Variants in NQO2 observed in about 807,000 individuals in gnomAD.
NQO2 encodes the protein N-ribosyldihydronicotinamide:quinone dehydrogenase 2.
NQO2 carries 18 observed loss-of-function variants against 22.0 expected under a neutral mutation model. That is an observed-to-expected ratio of 0.82 (90% CI 0.56 to 1.21). The LOEUF (loss-of-function observed/expected upper bound fraction) is 1.21, where lower values mean the gene tolerates loss of function less well. NQO2 is among the 50% of genes most tolerant of loss of function. The probability of loss-of-function intolerance (pLI) is 0.00; values close to 1 mark genes in which losing one functional copy is unlikely to be tolerated. For missense variants in NQO2, 267 were observed against 286.9 expected, an observed-to-expected ratio of 0.93 and a Z score of 0.50; for synonymous variants, 106 against 110.8, an observed-to-expected ratio of 0.96 and a Z score of 0.28.
Position 3,015,011 on chromosome 6 carries a change from G to A in NQO2, c.304-519G>A, listed in dbSNP as rs1008738902. 3.4e-5 allele frequency: 34 copies of A among 985,576 alleles called. No homozygotes were observed. In the African/African-American group the frequency reaches 3.5e-4, roughly 10 times the overall value. The allele number at this position is 985,576 out of a possible 1,614,324, so 61.1% of individuals were successfully genotyped here. A position where few individuals can be genotyped will look rare whatever the true frequency, so the allele number is the denominator to read the frequency against. On this transcript the variant is annotated intron_variant, in intron 4 of 6. Coordinates refer to ENST00000380455, the MANE Select transcript of NQO2 (RefSeq NM_000904.6). ...CCTATGTTTATTTCCCTTCCCAGGC[G>A]GTAACACTGGATGTAATGTTAGGGC...
rs748987159 is a variant in NQO2 at position 3,016,991 on chromosome 6, C to A, written c.519+6C>A. ...ACTTCCTGTGGCCACTCCAGGTAGA[C>A]CAGCTGCGAGTGGCTCCCTTGCTTG... On this transcript the variant is annotated splice_donor_region_variant and intron_variant, in intron 6 of 6. Transcript: ENST00000380455. 4 of 1,613,316 alleles carry A rather than the reference C, an allele frequency of 2.5e-6. No individual in the cohort carries two copies. In the African/African-American group the frequency reaches 4.0e-5, roughly 16 times the overall value.
intron 1 of NQO2, chr6:3,004,521 C>T (rs1243282427): frequency 3.0e-5 from 30 of 985,560 alleles, no homozygotes; most frequent in Non-Finnish European, 3.6e-5. Context: ...GGAGCCCACT[C>T]CTCAGCACCC....
intron 4 of NQO2, among the ~76,000 whole-genome samples, chr6:3,014,442 C>G (rs1352409453): frequency 6.6e-6 from 1 of 152,174 alleles, no homozygotes; most frequent in East Asian, 1.9e-4. Flanking sequence ...CCCAGCAGAG[C>G]CACGCTGAGC....
At chr6:3,004,242 T>C in intron 1 of NQO2, 1 of 725,934 alleles carries the variant, frequency 1.4e-6, no homozygotes, top group Non-Finnish European at 1.7e-6. Context: ...ACACGTGGAT[T>C]CCTGGAATCA....
intron 4 of NQO2, among the ~76,000 whole-genome samples, chr6:3,014,290 A>G (rs780902181): frequency 2.1e-4 from 32 of 152,150 alleles, no homozygotes; most frequent in South Asian, 4.1e-4. Flanking sequence ...TGAGCTGCTA[A>G]TCTGACCAAA....
intron 5 of NQO2, among the ~76,000 whole-genome samples, chr6:3,016,019 C>G (rs1420984002): frequency 1.3e-5 from 2 of 152,192 alleles, no homozygotes; most frequent in East Asian, 3.9e-4. Context: ...AGTTCACCCC[C>G]TTGAGCATCA....
chr6:3,017,669 C>T (rs59071166), intron 6 of NQO2, among the ~76,000 whole-genome samples: 8,518 of 152,170 alleles, frequency 0.056, 384 homozygotes, highest in African/African-American at 0.12. Flanking sequence ...GGGTGTCCCA[C>T]GAAGGAACCC....
intron 2 of NQO2, 47 bp from the exon 3 acceptor site, chr6:3,009,978 A>G: frequency 6.4e-7 from 1 of 1,565,356 alleles, no homozygotes; most frequent in East Asian, 2.3e-5. Flanking sequence ...TGAATTTAAC[A>G]GAGAGAGGTT....
Position 3,012,603 on chromosome 6 carries a change from C to T in NQO2, c.232C>T (p.Gln78Ter), listed in dbSNP as rs1257170476. 6.2e-7 allele frequency: 1 copy of T among 1,614,162 alleles called. No homozygotes were observed. The highest frequency in any genetic ancestry group is 1.1e-5 in the South Asian group (1 of 91,082). ...AGTGGAAACCCACGAAGCCTACAAG[C>T]AAAGGTCTCTGGCTAGCGACATCAC... Reference protein sequence around the residue: ...YGVETHEAYKQRSLASDITDE... With the variant: ...YGVETHEAYK The change falls in exon 4 of 7, where the codon CAA (glutamine) becomes TAA (stop). Residue 78 changes from glutamine (Q) to a stop codon, truncating the protein, a stop_gained. Transcript: ENST00000380455. LOFTEE classifies it high-confidence loss of function.
chr6:3,010,797 G>A (rs980706918), intron 3 of NQO2, among the ~76,000 whole-genome samples: 1 of 152,108 alleles, frequency 6.6e-6, no homozygotes, highest in Non-Finnish European at 1.5e-5. Flanking sequence ...CTGGGCATGA[G>A]CTGCTAGCCA....
In NQO2 at chr6:3,006,444, C is replaced by A; in HGVS notation, c.-85-24C>A. 1.3e-6 allele frequency: 2 copies of A among 1,587,690 alleles called. No homozygotes were observed. Among genetic ancestry groups the A allele is most frequent in the Non-Finnish European group, 8.6e-7 (1 of 1,168,222 alleles). On this transcript the variant is annotated intron_variant, in intron 1 of 6. Transcript: ENST00000380455. The surrounding 1 kb of genome is among the most constrained non-coding windows in gnomAD (Gnocchi z 4.0). The stretch of plus-strand genomic sequence containing the variant: ...CCTCACCTATGCCTCTCCCCACCCC[C>A]TCTGGGTTCGTTTTGTCTTCCAGAT...
intron 2 of NQO2, among the ~76,000 whole-genome samples, chr6:3,009,710 A>C (rs2518581): frequency 6.6e-6 from 1 of 152,184 alleles, no homozygotes; most frequent in African/African-American, 2.4e-5. Flanking sequence ...CAGTTGCTCC[A>C]TTCGGGGTCC....
chr6:3,015,283 C>A, intron 4 of NQO2: 1 of 1,447,240 alleles, frequency 6.9e-7, no homozygotes, highest in Non-Finnish European at 9.1e-7. Context: ...CCAGGGCCAG[C>A]ATCAGGGGCT....
chr6:3,016,732 C>A (rs910694384), intron 5 of NQO2, 152 bp from the exon 6 acceptor site: 2 of 1,458,332 alleles, frequency 1.4e-6, no homozygotes, highest in Non-Finnish European at 9.1e-7. Context: ...GTCATTGTCA[C>A]CTATGGATGG....
intron 2 of NQO2, among the ~76,000 whole-genome samples, chr6:3,008,111 C>T (rs1311223406): frequency 6.6e-6 from 1 of 152,198 alleles, no homozygotes; most frequent in Non-Finnish European, 1.5e-5. Flanking sequence ...AAACTGCCAC[C>T]TATTAGAAAG....
intron 1 of NQO2, chr6:3,002,269 C>A: frequency 1.0e-6 from 1 of 975,028 alleles, no homozygotes; most frequent in Non-Finnish European, 1.2e-6. Context: ...TGCAGAAACA[C>A]TGGCAACATT....
chr6:3,018,509 A>G (rs1757417986), intron 6 of NQO2, among the ~76,000 whole-genome samples: 1 of 152,222 alleles, frequency 6.6e-6, no homozygotes, highest in South Asian at 2.1e-4. Context: ...CACCTCAAAA[A>G]CAAGCAAACA....
chr6:3,010,281 T>C, intron 3 of NQO2, 92 bp downstream of exon 3: 2 of 1,158,980 alleles, frequency 1.7e-6, no homozygotes, highest in South Asian at 1.7e-5. Context: ...AATGGCATTA[T>C]AGAAGCAAGC....
chr6:3,000,754 G>C (rs1183220710), intron 1 of NQO2, among the ~76,000 whole-genome samples: 1 of 152,148 alleles, frequency 6.6e-6, no homozygotes, highest in Non-Finnish European at 1.5e-5. Flanking sequence ...GGTCAGGCTG[G>C]TCTCAAACTC....
Sources: gnomAD v4.1 joint callset for allele counts (sites outside exome capture counted in the v4.1 genomes callset) on GRCh38, gnomAD v4.1.1 for gene constraint, Gnocchi (gnomAD v3.1) non-coding constraint, MANE v1.5 for transcripts, NCBI Gene and HGNC (gene_info 2026-07-23, HGNC 2026-07-21) for gene names.